The following FKBP5 variants were observed in gnomAD, a reference collection of about 807,000 sequenced individuals.
The protein encoded by FKBP5 is FKBP prolyl isomerase 5.
Under a neutral mutation model 50.5 loss-of-function variants are expected in FKBP5, and 23 were observed. The ratio of observed to expected loss-of-function variants is 0.46; its 90% CI spans 0.33 to 0.65. The LOEUF (loss-of-function observed/expected upper bound fraction) is 0.65. FKBP5 is among the 30% of genes least tolerant of loss of function. The pLI, the probability that FKBP5 is intolerant of heterozygous loss-of-function variation, is 0.02. For missense variants in FKBP5, 411 were observed against 553.1 expected, an observed-to-expected ratio of 0.74 and a Z score of 2.58; for synonymous variants, 176 against 190.6, an observed-to-expected ratio of 0.92 and a Z score of 0.63.
At chr6:35,585,183 T>C (rs1237444242) in intron 8 of FKBP5, 9 of 978,526 alleles carry the variant, frequency 9.2e-6, no homozygotes, top group African/African-American at 1.8e-5. Context: ...TTTGGAAGTA[T>C]TGAGGAAATA....
chr6:35,615,155 T>C (rs988378686), intron 5 of FKBP5, among the ~76,000 whole-genome samples: 366 of 143,510 alleles, frequency 2.6e-3, no homozygotes, highest in African/African-American at 8.3e-3. Flanking sequence ...CAACAACAAC[T>C]ACACACACAC....
At chr6:35,599,063 T>A (rs1763067901) in intron 5 of FKBP5, among the ~76,000 whole-genome samples, 1 of 151,738 alleles carries the variant, frequency 6.6e-6, no homozygotes. Context: ...TATATTCAAA[T>A]CTAGAGATTT....
At chr6:35,584,701 C>T (rs905118836) in intron 8 of FKBP5, 2 of 985,440 alleles carry the variant, frequency 2.0e-6, no homozygotes, top group East Asian at 1.1e-4. Context: ...CAGAGACATT[C>T]TGGGAGAAAA....
At chr6:35,617,247 T>C (rs917203449) in intron 5 of FKBP5, among the ~76,000 whole-genome samples, 12 of 152,250 alleles carry the variant, frequency 7.9e-5, no homozygotes, top group Admixed American at 2.6e-4. Context: ...AAATGAAATA[T>C]GGGTTGAAAA....
intron 1 of FKBP5, among the ~76,000 whole-genome samples, chr6:35,655,843 C>T (rs1486463686): frequency 6.6e-6 from 1 of 152,086 alleles, no homozygotes; most frequent in Non-Finnish European, 1.5e-5. Context: ...TTAAGAACAC[C>T]TAAGCATAAT....
rs145704410 is a variant in FKBP5, at chr6:35,617,908, G to A, written c.508+1188C>T. Among the ~76,000 whole-genome samples the A allele has an allele frequency of 7.3e-3, 1,107 of 152,252 alleles. 11 individuals are homozygous for A. The highest frequency in any genetic ancestry group is 0.023 in the African/African-American group (953 of 41,534). On this transcript the variant is annotated intron_variant, in intron 5 of 10. Coordinates refer to ENST00000357266, the MANE Select transcript of FKBP5 (RefSeq NM_004117.4). Reference sequence around the variant, plus strand: ...ACTCCCACTTAGCAAATGAAGAAACGGAATAGCTTCAGGTTACTCAATAAA... The same window carrying A: ...ACTCCCACTTAGCAAATGAAGAAACAGAATAGCTTCAGGTTACTCAATAAA...
At chr6:35,702,841 TTAG>T (rs998038893) in intron 2 of FKBP5, among the ~76,000 whole-genome samples, 91 of 152,244 alleles carry the variant, frequency 6.0e-4, no homozygotes, top group African/African-American at 2.2e-3. Context: ...TCTAACATTA[TTAG>T]AACACATAGA....
intron 1 of FKBP5, 84 bp from the exon 2 acceptor site, chr6:35,642,927 A>T: frequency 1.1e-6 from 1 of 947,836 alleles, no homozygotes; most frequent in Non-Finnish European, 1.6e-6. Context: ...AGCTCTACCT[A>T]ACCTAAGATT....
intron 8 of FKBP5, chr6:35,583,530 T>C: frequency 1.0e-6 from 1 of 985,448 alleles, no homozygotes; most frequent in Non-Finnish European, 1.2e-6. Flanking sequence ...GTCTGTCTTG[T>C]ACTCCCTGCT....
At chr6:35,576,966 AC>A (rs1762240290) in intron 10 of FKBP5, 27 bp downstream of exon 10, 2 of 1,611,116 alleles carry the variant, frequency 1.2e-6, no homozygotes, top group Middle Eastern at 3.9e-4. Context: ...CTCTTGATCC[AC>A]CTGCAGTCAT....
chr6:35,689,714 G>A (rs1407890094), upstream of FKBP5, among the ~76,000 whole-genome samples: 2 of 152,098 alleles, frequency 1.3e-5, no homozygotes, highest in African/African-American at 2.4e-5. Context: ...GGTGGCGCGC[G>A]CCGTCCCAGC....
chr6:35,689,779 G>C (rs1210457281), upstream of FKBP5, among the ~76,000 whole-genome samples: 1 of 152,178 alleles, frequency 6.6e-6, no homozygotes, highest in African/African-American at 2.4e-5. Flanking sequence ...AGAGGTTGTA[G>C]TGAGTCGAGA....
chr6:35,601,209 T>TA (rs1219733057), intron 5 of FKBP5, among the ~76,000 whole-genome samples: 1 of 152,172 alleles, frequency 6.6e-6, no homozygotes, highest in Non-Finnish European at 1.5e-5. Context: ...TATAAAATCT[T>TA]AAACGGATAT....
At chr6:35,705,195 AAT>A (rs1217067959) in intron 2 of FKBP5, among the ~76,000 whole-genome samples, 5 of 141,038 alleles carry the variant, frequency 3.5e-5, no homozygotes, top group Admixed American at 1.5e-4. Context: ...GTGAAATGCA[AAT>A]ATATATATAT....
rs35283903 is a variant in FKBP5, at chr6:35,583,348, TA to T, written c.841-3128del. ...AAAAACCTAGATCTTAACATTTCAA[TA>T]AGTTCTGAATAATCAGAATGGTAGA... On this transcript the variant is annotated intron_variant, in intron 8 of 10. Coordinates refer to ENST00000357266, the MANE Select transcript of FKBP5 (RefSeq NM_004117.4). The T allele has an allele frequency of 2.1e-3, 2,049 of 985,420 alleles. 14 individuals carry two copies. In the African/African-American group the frequency reaches 0.023, roughly 11 times the overall value. The allele number at this position is 985,420 out of a possible 1,614,324, so 61.0% of individuals were successfully genotyped here.
chr6:35,601,890 TA>T (rs1763156046), intron 5 of FKBP5, among the ~76,000 whole-genome samples: 1 of 152,138 alleles, frequency 6.6e-6, no homozygotes, highest in Non-Finnish European at 1.5e-5. Flanking sequence ...TTTCTTGACT[TA>T]AAGACTATGT....
At chr6:35,631,533 C>T (rs546720223) in intron 3 of FKBP5, among the ~76,000 whole-genome samples, 1 of 152,164 alleles carries the variant, frequency 6.6e-6, no homozygotes, top group African/African-American at 2.4e-5. Context: ...ATTCATCAAA[C>T]TATATACTTA....
intron 1 of FKBP5, among the ~76,000 whole-genome samples, chr6:35,665,351 G>A (rs1300861733): frequency 4.0e-5 from 6 of 149,212 alleles, no homozygotes; most frequent in African/African-American, 1.3e-4. Flanking sequence ...GCAGTGGCGC[G>A]ATCTCGGCTC....
intron 5 of FKBP5, among the ~76,000 whole-genome samples, chr6:35,601,695 G>A (rs1763148921): frequency 6.6e-6 from 1 of 152,012 alleles, no homozygotes; most frequent in Non-Finnish European, 1.5e-5. Flanking sequence ...AATAACCATC[G>A]TGACTCACTG....
Sources: allele counts gnomAD v4.1 joint callset (sites outside exome capture counted in the v4.1 genomes callset), GRCh38; gene constraint gnomAD v4.1.1; transcripts MANE v1.5; gene names NCBI Gene and HGNC (gene_info 2026-07-23, HGNC 2026-07-21).